PTCSC3: variants seen among roughly 807,000 people sequenced by gnomAD.
PTCSC3 encodes papillary thyroid carcinoma susceptibility candidate 3 (non-protein coding).
At chr14:36,155,662 G>T (rs1027244116) in intron 2 of PTCSC3, among the ~76,000 whole-genome samples, 10 of 152,180 alleles carry the variant, frequency 6.6e-5, no homozygotes, top group African/African-American at 2.4e-4. Context: ...AAATTTGCTT[G>T]ATTGAAAATT....
At position 36,167,727 on chromosome 14, in the gene PTCSC3, C is replaced by G. The variant is rs143668490; in HGVS notation, n.172-5044G>C. 6.4e-4 allele frequency among the ~76,000 whole-genome samples: 97 copies of G among 152,226 alleles called. 1 individual carries two copies. The highest frequency in any genetic ancestry group is 2.1e-3 in the African/African-American group (89 of 41,546). On this transcript the variant is annotated intron_variant and non_coding_transcript_variant, in intron 1 of 3. Coordinates refer to ENST00000556013, the Ensembl canonical transcript of PTCSC3. ...TGGTGAAGGAAAGAACCAATCAAATCTCTTTGATTCTGGACTTAGGGAAAG... is the reference window on the plus strand; with the variant it reads ...TGGTGAAGGAAAGAACCAATCAAATGTCTTTGATTCTGGACTTAGGGAAAG...
intron 3 of PTCSC3, among the ~76,000 whole-genome samples, chr14:36,143,020 G>T (rs1261559611): frequency 6.6e-6 from 1 of 151,922 alleles, no homozygotes; most frequent in African/African-American, 2.4e-5. Flanking sequence ...GTATTCCATG[G>T]TGTGTATGTG....
intron 2 of PTCSC3, among the ~76,000 whole-genome samples, chr14:36,162,427 A>C (rs940959937): frequency 1.3e-5 from 2 of 151,324 alleles, no homozygotes; most frequent in African/African-American, 4.9e-5. Flanking sequence ...ATCTGGGTCA[A>C]AGTGCACCCT....
rs148541478 is a variant in PTCSC3, at chr14:36,160,981, A to C, written n.231+1643T>G. 1.7e-3 allele frequency among the ~76,000 whole-genome samples: 254 copies of C among 152,086 alleles called. 1 individual carries two copies. Among genetic ancestry groups the C allele is most frequent in the African/African-American group, 5.9e-3 (244 of 41,500 alleles). On this transcript the variant is annotated intron_variant and non_coding_transcript_variant, in intron 2 of 3. Transcript: ENST00000556013. ...GCTTTATTTCATTAAGTTGATCTTC[A>C]ATCTGTGATATCTTTCTTCCACTTG...
intron 2 of PTCSC3, among the ~76,000 whole-genome samples, chr14:36,161,200 A>C (rs1216459419): frequency 6.6e-6 from 1 of 152,046 alleles, no homozygotes; most frequent in East Asian, 1.9e-4. Flanking sequence ...GTTATTACCC[A>C]CCTTCTGAAG....
rs189410733 is a variant in PTCSC3 at position 36,156,575 on chromosome 14, T to A, written n.232-2681A>T. 5.8e-3 allele frequency among the ~76,000 whole-genome samples: 876 copies of A among 152,120 alleles called. 3 individuals are homozygous for A. Among genetic ancestry groups the A allele is most frequent in the Admixed American group, 7.6e-3 (116 of 15,268 alleles). On this transcript the variant is annotated intron_variant and non_coding_transcript_variant, in intron 2 of 3. Coordinates refer to ENST00000556013, the Ensembl canonical transcript of PTCSC3. ...TATCTCTCCCCTAGCCCCCAACCCC[T>A]TGACGGGCCCCAGTGTGTGATGTTT...
At chr14:36,144,141 G>A (rs1286803752) in intron 3 of PTCSC3, among the ~76,000 whole-genome samples, 1 of 152,008 alleles carries the variant, frequency 6.6e-6, no homozygotes, top group Non-Finnish European at 1.5e-5. Flanking sequence ...TGGTAATGCG[G>A]GCTCTTTTTT....
At chr14:36,140,498 C>T (rs921539021) in intron 3 of PTCSC3, among the ~76,000 whole-genome samples, 1 of 152,310 alleles carries the variant, frequency 6.6e-6, no homozygotes, top group South Asian at 2.1e-4. Flanking sequence ...ACATTCTTGC[C>T]AGCCTTTGAT....
intron 1 of PTCSC3, among the ~76,000 whole-genome samples, chr14:36,174,156 A>T (rs1229911204): frequency 6.6e-6 from 1 of 152,108 alleles, no homozygotes; most frequent in Non-Finnish European, 1.5e-5. Context: ...GTTCGGGGCC[A>T]TGATTTCTTC....
upstream of PTCSC3, chr14:36,176,613 C>T (rs1882292615): frequency 6.6e-6 from 1 of 152,010 alleles, no homozygotes; most frequent in Admixed American, 6.6e-5. Context: ...TCTTCAAAAA[C>T]TTGAGATGTC....
chr14:36,134,943 C>T (rs1447694228), downstream of PTCSC3, among the ~76,000 whole-genome samples: 3 of 152,168 alleles, frequency 2.0e-5, no homozygotes, highest in South Asian at 2.1e-4. Flanking sequence ...CATCATTATG[C>T]TCATTACAGT....
At chr14:36,170,406 T>C (rs190229687) in intron 1 of PTCSC3, among the ~76,000 whole-genome samples, 1 of 152,158 alleles carries the variant, frequency 6.6e-6, no homozygotes, top group African/African-American at 2.4e-5. Flanking sequence ...CATTTGCTCA[T>C]TGGCGTTGAA....
At chr14:36,153,082 G>A (rs1881758198) in intron 3 of PTCSC3, among the ~76,000 whole-genome samples, 1 of 152,114 alleles carries the variant, frequency 6.6e-6, no homozygotes, top group African/African-American at 2.4e-5. Context: ...CTGAGATTAG[G>A]ATTCCAGCAT....
At chr14:36,174,744 C>A (rs966285621) in intron 1 of PTCSC3, among the ~76,000 whole-genome samples, 1 of 152,130 alleles carries the variant, frequency 6.6e-6, no homozygotes, top group African/African-American at 2.4e-5. Flanking sequence ...TAAATCTTGT[C>A]GGGGTTTGGT....
intron 1 of PTCSC3, among the ~76,000 whole-genome samples, chr14:36,175,943 C>G (rs1219861588): frequency 6.6e-6 from 1 of 152,136 alleles, no homozygotes; most frequent in Non-Finnish European, 1.5e-5. Context: ...TCAGAAAGAG[C>G]TTTATTCCCA....
At chr14:36,158,243 A>T in intron 2 of PTCSC3, among the ~76,000 whole-genome samples, 1 of 152,118 alleles carries the variant, frequency 6.6e-6, no homozygotes, top group East Asian at 1.9e-4. Flanking sequence ...AATACACTTT[A>T]TTTCTTTTTC....
At chr14:36,164,727 C>T (rs1882050492) in intron 1 of PTCSC3, among the ~76,000 whole-genome samples, 1 of 152,194 alleles carries the variant, frequency 6.6e-6, no homozygotes, top group African/African-American at 2.4e-5. Flanking sequence ...CATCCCTTTA[C>T]ATTGTAGTTC....
At chr14:36,141,255 G>A (rs1881413588) in intron 3 of PTCSC3, among the ~76,000 whole-genome samples, 2 of 151,990 alleles carry the variant, frequency 1.3e-5, no homozygotes, top group East Asian at 1.9e-4. Flanking sequence ...GAATCAATTT[G>A]TTGATATTCA....
chr14:36,158,904 G>T (rs537974988), intron 2 of PTCSC3, among the ~76,000 whole-genome samples: 35 of 152,228 alleles, frequency 2.3e-4, no homozygotes, highest in African/African-American at 7.7e-4. Context: ...TGGTTGGTAG[G>T]CTATTAATTA....
Sources: gnomAD v4.1 joint callset for allele counts (sites outside exome capture counted in the v4.1 genomes callset) on GRCh38, gnomAD v4.1.1 for gene constraint, MANE v1.5 for transcripts, NCBI Gene and HGNC (gene_info 2026-07-23, HGNC 2026-07-21) for gene names.